The following PPARGC1A variants were observed in gnomAD, a reference collection of about 807,000 sequenced individuals.
The protein encoded by PPARGC1A is peroxisome proliferator-activated receptor gamma coactivator 1-alpha.
In PPARGC1A, 25 loss-of-function variants were observed where a neutral mutation model predicts 88.7. The ratio of observed to expected loss-of-function variants is 0.28; its 90% CI spans 0.21 to 0.39. The LOEUF (loss-of-function observed/expected upper bound fraction) is 0.39, where lower values mean the gene tolerates loss of function less well. Among genes scored for constraint, PPARGC1A ranks in the 10% least tolerant of loss-of-function variants. The probability of loss-of-function intolerance (pLI) is 1.00; values close to 1 mark genes in which losing one functional copy is unlikely to be tolerated. For missense variants in PPARGC1A, 880 were observed against 968.7 expected (o/e 0.91, Z 1.22); for synonymous variants, 363 against 355.6 (o/e 1.02, Z -0.24).
At chr4:24,215,016 C>T in the PPARGC1A span, among the ~76,000 whole-genome samples, 6 of 152,080 alleles carry the variant, frequency 3.9e-5, no homozygotes, top group African/African-American at 1.4e-4. Context: ...TCCAGAGGTC[C>T]AGCAGAAAAA....
chr4:23,801,183 G>A (rs541770085), intron 12 of PPARGC1A, among the ~76,000 whole-genome samples: 19 of 126,986 alleles, frequency 1.5e-4, no homozygotes, highest in African/African-American at 4.5e-4. Context: ...GGCAAAATCA[G>A]GTTACAAACA....
chr4:24,176,173 T>C, the PPARGC1A span, among the ~76,000 whole-genome samples: 1 of 152,198 alleles, frequency 6.6e-6, no homozygotes, highest in Non-Finnish European at 1.5e-5. Context: ...TGCAATAAAC[T>C]TGTGTTGCAT....
At chr4:24,381,521 G>C in the PPARGC1A span, among the ~76,000 whole-genome samples, 1 of 152,202 alleles carries the variant, frequency 6.6e-6, no homozygotes, top group Non-Finnish European at 1.5e-5. Context: ...ACAAAACCAA[G>C]ATATGACAAT....
At chr4:24,250,203 C>T in the PPARGC1A span, among the ~76,000 whole-genome samples, 1 of 152,212 alleles carries the variant, frequency 6.6e-6, no homozygotes, top group African/African-American at 2.4e-5. Flanking sequence ...TCGAGGAACT[C>T]TGTAATTATC....
the PPARGC1A span, among the ~76,000 whole-genome samples, chr4:24,088,198 CTT>C: frequency 2.0e-5 from 3 of 151,660 alleles, no homozygotes; most frequent in Non-Finnish European, 4.4e-5. Flanking sequence ...AAATAAAAGA[CTT>C]TAAAAATTAG....
the PPARGC1A span, among the ~76,000 whole-genome samples, chr4:24,268,915 T>C: frequency 6.6e-6 from 1 of 152,206 alleles, no homozygotes; most frequent in Non-Finnish European, 1.5e-5. Flanking sequence ...GAACCAGGTA[T>C]AGTGAAGAAC....
At chr4:23,957,617 G>A in the PPARGC1A span, among the ~76,000 whole-genome samples, 2 of 151,996 alleles carry the variant, frequency 1.3e-5, no homozygotes, top group African/African-American at 4.8e-5. Flanking sequence ...AGCATGCCAG[G>A]CACCATTCTA....
chr4:23,808,171 A>G (rs1720206838), intron 10 of PPARGC1A, among the ~76,000 whole-genome samples: 1 of 151,052 alleles, frequency 6.6e-6, no homozygotes, highest in African/African-American at 2.4e-5. Context: ...GAATGGCGTG[A>G]ACCCAGGAGG....
At chr4:24,216,990 A>G in the PPARGC1A span, among the ~76,000 whole-genome samples, 1 of 152,256 alleles carries the variant, frequency 6.6e-6, no homozygotes, top group Non-Finnish European at 1.5e-5. Context: ...GACACATAGT[A>G]GGTCATCACT....
At chr4:24,058,871 G>C in the PPARGC1A span, among the ~76,000 whole-genome samples, 7 of 152,276 alleles carry the variant, frequency 4.6e-5, no homozygotes, top group East Asian at 9.7e-4. Context: ...CTTGAACCCA[G>C]AAGGCAGAGG....
chr4:23,801,516 T>C (rs1032519054), intron 12 of PPARGC1A, among the ~76,000 whole-genome samples: 2 of 152,186 alleles, frequency 1.3e-5, no homozygotes, highest in African/African-American at 4.8e-5. Flanking sequence ...CCTGAGTAGA[T>C]AGTACAAAGA....
chr4:24,206,771 T>C, the PPARGC1A span, among the ~76,000 whole-genome samples: 1 of 133,940 alleles, frequency 7.5e-6, no homozygotes, highest in East Asian at 2.3e-4. Context: ...ACCTGGGAGG[T>C]GGAGGCTGCA....
At chr4:24,200,275 C>A in the PPARGC1A span, among the ~76,000 whole-genome samples, 1 of 151,974 alleles carries the variant, frequency 6.6e-6, no homozygotes, top group Non-Finnish European at 1.5e-5. Context: ...TTTTGGGAGG[C>A]CAAGGCAGGT....
chr4:24,330,735 C>G, the PPARGC1A span, among the ~76,000 whole-genome samples: 3 of 150,344 alleles, frequency 2.0e-5, no homozygotes, highest in African/African-American at 7.6e-5. Flanking sequence ...TGAGACCCAG[C>G]ACACTCAAAA....
the PPARGC1A span, among the ~76,000 whole-genome samples, chr4:24,077,624 G>GGGGT: frequency 1.2e-4 from 16 of 130,902 alleles, no homozygotes; most frequent in Non-Finnish European, 1.8e-4. Flanking sequence ...TGTGTCTAGG[G>GGGGT]GTGTGTGTGT....
At chr4:23,992,338 ATAT>A in the PPARGC1A span, among the ~76,000 whole-genome samples, 1 of 41,600 alleles carries the variant, frequency 2.4e-5, no homozygotes, top group East Asian at 4.0e-4. Context: ...TTATCAGATA[ATAT>A]TATTACTATT....
At chr4:24,220,096 A>G in the PPARGC1A span, among the ~76,000 whole-genome samples, 1 of 152,348 alleles carries the variant, frequency 6.6e-6, no homozygotes, top group South Asian at 2.1e-4. Context: ...AAGAAGACAT[A>G]CGAGCAGCCA....
chr4:24,216,513 C>T, the PPARGC1A span, among the ~76,000 whole-genome samples: 1 of 152,168 alleles, frequency 6.6e-6, no homozygotes, highest in African/African-American at 2.4e-5. Flanking sequence ...ATCGGCTCTT[C>T]TTCAGGAGGA....
intron 10 of PPARGC1A, among the ~76,000 whole-genome samples, chr4:23,805,484 C>G (rs1719629608): frequency 1.3e-5 from 2 of 152,156 alleles, no homozygotes; most frequent in African/African-American, 4.8e-5. Context: ...TGACGCCCTT[C>G]CATGTAGATT....
Sources: gnomAD v4.1 joint callset for allele counts (sites outside exome capture counted in the v4.1 genomes callset) on GRCh38, gnomAD v4.1.1 for gene constraint, MANE v1.5 for transcripts, NCBI Gene and HGNC (gene_info 2026-07-23, HGNC 2026-07-21) for gene names.